SYN3: variants seen among roughly 807,000 people sequenced by gnomAD.
The protein encoded by SYN3 is synapsin-3.
A neutral mutation model predicts 65.8 loss-of-function variants in SYN3; 35 were observed. That is an observed-to-expected ratio of 0.53 (90% confidence interval 0.41 to 0.70). SYN3 has a LOEUF of 0.70. SYN3 is among the 30% of genes least tolerant of loss of function. The pLI, the probability that SYN3 is intolerant of heterozygous loss-of-function variation, is 0.00. For missense variants in SYN3, 680 were observed against 749.0 expected, an observed-to-expected ratio of 0.91 and a Z score of 1.08; for synonymous variants, 270 against 292.9, an observed-to-expected ratio of 0.92 and a Z score of 0.80.
At chr22:32,534,679 CTG>C (rs2058134212) in intron 9 of SYN3, among the ~76,000 whole-genome samples, 1 of 152,166 alleles carries the variant, frequency 6.6e-6, no homozygotes, top group Admixed American at 6.5e-5. Flanking sequence ...ACAGGGGACT[CTG>C]TGTCAATGTT....
At chr22:32,813,372 G>T (rs535611574) in intron 6 of SYN3, among the ~76,000 whole-genome samples, 2 of 152,200 alleles carry the variant, frequency 1.3e-5, no homozygotes, top group African/African-American at 4.8e-5. Context: ...TTCTGGAGGG[G>T]ACAGCTGCTG....
chr22:32,565,027 GGACTGCACCCAAACAGTGATCTCA>G (rs1601645829), intron 7 of SYN3, among the ~76,000 whole-genome samples: 5 of 111,176 alleles, frequency 4.5e-5, no homozygotes, highest in East Asian at 2.7e-4. Flanking sequence ...CAGTGCTCCC[GGACTGCACCCAAACAGTGATCTCA>G]GACTGCACCC....
rs113021509 is a variant in SYN3 at position 32,592,662 on chromosome 22, C to A, written c.774+4012G>T. ...GCATGCTCTTAATCACCAGTGCCAA[C>A]AAAGGCCATGCACTTTTCTTTCTAA... On this transcript the variant is annotated intron_variant, in intron 7 of 13. Coordinates refer to ENST00000358763, the MANE Select transcript of SYN3 (RefSeq NM_003490.4). Among the ~76,000 whole-genome samples, 1,138 of 152,290 alleles carry A rather than the reference C, an allele frequency of 7.5e-3. 20 individuals are homozygous for A. The highest frequency in any genetic ancestry group is 0.026 in the African/African-American group (1,083 of 41,536).
At chr22:32,741,010 G>A (rs879205545) in intron 6 of SYN3, among the ~76,000 whole-genome samples, 1 of 152,156 alleles carries the variant, frequency 6.6e-6, no homozygotes, top group African/African-American at 2.4e-5. Context: ...GGTGGGCACT[G>A]TAGATAAATG....
intron 6 of SYN3, among the ~76,000 whole-genome samples, chr22:32,789,758 T>C (rs2046277341): frequency 6.6e-6 from 1 of 152,214 alleles, no homozygotes; most frequent in African/African-American, 2.4e-5. Flanking sequence ...GGAAATTCAA[T>C]TAGCCCTGTC....
At chr22:32,701,820 C>A (rs1242411439) in intron 6 of SYN3, among the ~76,000 whole-genome samples, 1 of 151,866 alleles carries the variant, frequency 6.6e-6, no homozygotes, top group Admixed American at 6.6e-5. Context: ...ATTGGAATCC[C>A]AGAAGAAGAG....
At chr22:32,877,527 C>G (rs1028208697) in intron 4 of SYN3, among the ~76,000 whole-genome samples, 1 of 152,118 alleles carries the variant, frequency 6.6e-6, no homozygotes, top group Non-Finnish European at 1.5e-5. Context: ...AGGAGCATCT[C>G]TGGCCTCTAC....
Position 32,763,303 on chromosome 22 carries a change from C to T in SYN3, c.711+101612G>A, listed in dbSNP as rs561593976. Among the ~76,000 whole-genome samples the T allele has an allele frequency of 8.5e-5, 13 of 152,172 alleles. No individual in the cohort carries two copies. The East Asian group carries it at 1.7e-3, about 20-fold the overall frequency. ...CTGGGATTACAAGCGCCTGCCACCA[C>T]GCCTGGCTAATTTTTTTTTTGCATT... On this transcript the variant is annotated intron_variant, in intron 6 of 13. Coordinates refer to ENST00000358763, the MANE Select transcript of SYN3 (RefSeq NM_003490.4).
In SYN3 at chr22:33,006,812, C is replaced by T. The variant is rs932722713; in HGVS notation, c.-150G>A. 6.8e-5 allele frequency: 44 copies of T among 643,682 alleles called. No homozygotes were observed. Among genetic ancestry groups the T allele is most frequent in the African/African-American group, 6.5e-4 (36 of 55,234 alleles). 39.9% of individuals were successfully genotyped at this position (643,682 alleles called of 1,614,324 possible). A position where few individuals can be genotyped will look rare whatever the true frequency, so the allele number is the denominator to read the frequency against. ...GCAACCAGCAGTCAGCTTTAGCTGC[C>T]TTTATTTACCTGCTGGAAATAAGCC... On this transcript the variant is annotated 5_prime_UTR_variant, in exon 2 of 14. Transcript: ENST00000358763.
intron 6 of SYN3, among the ~76,000 whole-genome samples, chr22:32,751,429 C>T (rs549321596): frequency 6.6e-6 from 1 of 152,292 alleles, no homozygotes; most frequent in South Asian, 2.1e-4. Context: ...AGGCATGCCC[C>T]TCCAATGTTC....
intron 3 of SYN3, among the ~76,000 whole-genome samples, chr22:32,940,918 A>T (rs1021481153): frequency 3.9e-5 from 6 of 152,210 alleles, no homozygotes; most frequent in African/African-American, 1.4e-4. Flanking sequence ...TGCTCACTGC[A>T]AAATACACAT....
intron 7 of SYN3, among the ~76,000 whole-genome samples, chr22:32,595,922 C>G (rs1042593324): frequency 6.6e-6 from 1 of 152,240 alleles, no homozygotes; most frequent in East Asian, 1.9e-4. Context: ...ACTAAAAATA[C>G]AAAAATTAGC....
chr22:32,763,944 CTT>C (rs1169134557), intron 6 of SYN3, among the ~76,000 whole-genome samples: 29 of 88,598 alleles, frequency 3.3e-4, no homozygotes, highest in African/African-American at 1.2e-3. Flanking sequence ...CCCCCCCCCC[CTT>C]TTTTTTTTTG....
chr22:32,919,634 G>C (rs1258207884), intron 4 of SYN3, among the ~76,000 whole-genome samples: 1 of 152,198 alleles, frequency 6.6e-6, no homozygotes. Context: ...TTGAATGAAT[G>C]GATATCTGGA....
At chr22:32,863,634 G>A (rs1459234344) in intron 6 of SYN3, among the ~76,000 whole-genome samples, 8 of 152,218 alleles carry the variant, frequency 5.3e-5, no homozygotes, top group East Asian at 3.9e-4. Flanking sequence ...CATTGACAAC[G>A]TTCTAGGTTT....
At chr22:32,823,508 G>C (rs576037183) in intron 6 of SYN3, among the ~76,000 whole-genome samples, 1 of 152,334 alleles carries the variant, frequency 6.6e-6, no homozygotes, top group African/African-American at 2.4e-5. Flanking sequence ...CCAGGGTCCA[G>C]TGGATTAGCA....
intron 6 of SYN3, among the ~76,000 whole-genome samples, chr22:32,789,479 G>C (rs978439890): frequency 6.6e-6 from 1 of 152,202 alleles, no homozygotes; most frequent in Admixed American, 6.5e-5. Flanking sequence ...TCATTGTGCA[G>C]TGGGTCTGTC....
intron 6 of SYN3, among the ~76,000 whole-genome samples, chr22:32,759,586 G>A (rs1433724180): frequency 1.3e-5 from 2 of 151,448 alleles, no homozygotes; most frequent in East Asian, 3.9e-4. Context: ...TGGTGGTGAG[G>A]AGAAATGTCC....
intron 6 of SYN3, among the ~76,000 whole-genome samples, chr22:32,637,308 C>T (rs144435160): frequency 5.3e-5 from 8 of 152,250 alleles, no homozygotes; most frequent in East Asian, 1.9e-4. Flanking sequence ...AACTTCAAAA[C>T]GAGGATGATG....
Sources: gnomAD v4.1 joint callset for allele counts (sites outside exome capture counted in the v4.1 genomes callset) on GRCh38, gnomAD v4.1.1 for gene constraint, MANE v1.5 for transcripts, NCBI Gene and HGNC (gene_info 2026-07-23, HGNC 2026-07-21) for gene names.